Variants in CACNA1C observed in about 807,000 individuals in gnomAD.
The protein encoded by CACNA1C is calcium voltage-gated channel subunit alpha1 C, also known as voltage-dependent L-type calcium channel subunit alpha-1C.
In CACNA1C, 30 loss-of-function variants were observed where a neutral mutation model predicts 229.0. The ratio of observed to expected loss-of-function variants is 0.13; its 90% CI spans 0.10 to 0.18. The LOEUF is 0.18. Ranked by LOEUF, CACNA1C falls within the 10% of genes least tolerant of loss-of-function variation. CACNA1C has a pLI of 1.00. For synonymous variants in CACNA1C, 1,114 were observed against 1,132.5 expected, an observed-to-expected ratio of 0.98 and a Z score of 0.33; for missense variants, 1,658 against 2,845.0, an observed-to-expected ratio of 0.58 and a Z score of 9.49.
rs2089877854 is a variant in CACNA1C at position 2,630,512 on chromosome 12, T to C, written c.3829-3785T>C. Among the ~76,000 whole-genome samples the C allele has an allele frequency of 6.6e-6, 1 of 151,606 alleles. No individual in the cohort carries two copies. The highest frequency in any genetic ancestry group is 1.5e-5 in the Non-Finnish European group (1 of 67,900). On this transcript the variant is annotated intron_variant, in intron 29 of 46. Transcript: ENST00000399655. This position sits in a 1 kb window ranked among gnomAD's most constrained non-coding sequence, Gnocchi z 5.4. ...TGGGAGGAAGGGGCTGTTGAAATAG[T>C]GGGAGGAGGGGACAAAGGGGCAATG...
rs1008194346 is a variant in CACNA1C, at chr12:2,029,401, T to C, written c.139+58200T>C. Among the ~76,000 whole-genome samples, 12 of 152,186 alleles carry C rather than the reference T, an allele frequency of 7.9e-5. No individual in the cohort carries two copies. The highest frequency in any genetic ancestry group is 5.9e-4 in the Admixed American group (9 of 15,286). ...TTTTCATTAGTCCCGAAGGAAACCC[T>C]GTACCCATTAAGAAGACACTCCCTA... is the stretch of plus-strand genomic sequence containing the variant. On this transcript the variant is annotated intron_variant, in intron 1 of 46. Coordinates refer to the CACNA1C transcript ENST00000682462. The surrounding 1 kb of genome is among the most constrained non-coding windows in gnomAD (Gnocchi z 4.9).
chr12:2,343,627 G>A (rs2154522780), intron 3 of CACNA1C, among the ~76,000 whole-genome samples: 1 of 152,310 alleles, frequency 6.6e-6, no homozygotes, highest in Non-Finnish European at 1.5e-5. Context: ...GTGGCTGGGT[G>A]GGCAGTGTCT....
intron 3 of CACNA1C, among the ~76,000 whole-genome samples, chr12:2,416,618 C>T (rs2098907784): frequency 6.6e-6 from 1 of 152,196 alleles, no homozygotes; most frequent in Admixed American, 6.5e-5. Context: ...GCTCAACCAC[C>T]ACGCTCTGAG....
intron 10 of CACNA1C, among the ~76,000 whole-genome samples, chr12:2,553,568 TATC>T (rs1185109760): frequency 7.9e-5 from 12 of 152,166 alleles, no homozygotes; most frequent in African/African-American, 2.7e-4. Flanking sequence ...TGGAGACTGA[TATC>T]ATAAATGTGC....
At position 2,674,353 on chromosome 12, in the gene CACNA1C, C is replaced by T. The variant is rs2096699024; in HGVS notation, c.4727-188C>T. ...GGAAGGGGGAAGGAAGGAAGGTGGACAGAGGAAGGGGAAGAGGAAGGAGGT... is the reference window on the plus strand; with the variant it reads ...GGAAGGGGGAAGGAAGGAAGGTGGATAGAGGAAGGGGAAGAGGAAGGAGGT... On this transcript the variant is annotated intron_variant, in intron 38 of 46. Coordinates refer to ENST00000399655, the MANE Select transcript of CACNA1C (RefSeq NM_000719.7). 8 of 778,664 alleles carry T rather than the reference C, an allele frequency of 1.0e-5. No individual in the cohort carries two copies. In the South Asian group the frequency reaches 1.3e-4, roughly 12 times the overall value. 48.2% of individuals were successfully genotyped at this position (778,664 alleles called of 1,614,324 possible).
At chr12:2,043,651 T>TC in intron 1 of CACNA1C, among the ~76,000 whole-genome samples, 1 of 142,458 alleles carries the variant, frequency 7.0e-6, no homozygotes, top group East Asian at 2.0e-4. Flanking sequence ...TCTTTTTTTT[T>TC]TTTTTTTTTT....
chr12:2,209,254 G>A (rs750144101), intron 3 of CACNA1C, among the ~76,000 whole-genome samples: 5 of 152,214 alleles, frequency 3.3e-5, no homozygotes, highest in African/African-American at 4.8e-5. Context: ...CTAAAAACCT[G>A]TGTAAGCCTC....
In CACNA1C at chr12:2,232,227, G is replaced by GTTTTT. The variant is rs1169407536; in HGVS notation, c.477+111818_477+111822dup. Among the ~76,000 whole-genome samples the GTTTTT allele has an allele frequency of 8.6e-3, 630 of 73,372 alleles. 5 individuals carry two copies. The highest frequency in any genetic ancestry group is 0.022 in the East Asian group (43 of 1,926). 48.1% of individuals were successfully genotyped at this position (73,372 alleles called of 152,430 possible). A position where few individuals can be genotyped will look rare whatever the true frequency, so the allele number is the denominator to read the frequency against. ...TGGTGGTAGTTCTCAGTCTTTCCTT[G>GTTTTT]TTTTTTTTTTTTTTTTTTTTTTTTT... On this transcript the variant is annotated intron_variant, in intron 3 of 46. Coordinates refer to ENST00000399655, the MANE Select transcript of CACNA1C (RefSeq NM_000719.7).
Position 2,029,366 on chromosome 12 carries a change from A to G in CACNA1C, c.139+58165A>G, listed in dbSNP as rs375112060. ...TAACACATCCGCAATATACACCATC[A>G]CCACTAACTTTTTCATTAGTCCCGA... On this transcript the variant is annotated intron_variant, in intron 1 of 46. Transcript: ENST00000682462. This position sits in a 1 kb window ranked among gnomAD's most constrained non-coding sequence, Gnocchi z 4.9. Among the ~76,000 whole-genome samples, 9 of 152,274 alleles carry G rather than the reference A, an allele frequency of 5.9e-5. No individual in the cohort carries two copies. The highest frequency in any genetic ancestry group is 3.9e-4 in the East Asian group (2 of 5,180).
rs2153729290 is a variant in CACNA1C at position 2,669,001 on chromosome 12, C to T, written c.4692C>T (p.Ala1564=). ...TCATGTTCAATGCCACCCTGTTTGC[C>T]CTGGTCAGGACGGCCCTGAGGATCA... ...GTVMFNATLF[A]LVRTALRIKT... is the part of the protein sequence containing the mutation. Residue 1564 remains alanine (A), a synonymous_variant, in exon 38 of 47, where the codon GCC becomes GCT. Transcript: ENST00000399655. The T allele has an allele frequency of 6.2e-7, 1 of 1,614,080 alleles. No homozygotes were observed.
At chr12:1,975,058 A>C (rs2033887929) in intron 1 of CACNA1C, among the ~76,000 whole-genome samples, 1 of 152,168 alleles carries the variant, frequency 6.6e-6, no homozygotes. Flanking sequence ...ATATTTCTAC[A>C]ATTTGACATA....
At chr12:2,552,760 G>A (rs1019271795) in intron 10 of CACNA1C, among the ~76,000 whole-genome samples, 9 of 152,114 alleles carry the variant, frequency 5.9e-5, no homozygotes, top group African/African-American at 2.2e-4. Context: ...CTTGGGAGTC[G>A]GTCTCAGTGA....
chr12:2,627,176 A>T, intron 29 of CACNA1C, among the ~76,000 whole-genome samples: 1 of 152,108 alleles, frequency 6.6e-6, no homozygotes. Flanking sequence ...GTGCTTCTGA[A>T]TTAACACATC....
intron 5 of CACNA1C, among the ~76,000 whole-genome samples, chr12:2,464,415 T>C (rs1314167707): frequency 6.6e-6 from 1 of 152,202 alleles, no homozygotes; most frequent in Non-Finnish European, 1.5e-5. Flanking sequence ...CTAGAGCAGA[T>C]AGTCAAAATC....
chr12:2,082,051 T>TC (rs2065863136), intron 1 of CACNA1C, among the ~76,000 whole-genome samples: 1 of 152,132 alleles, frequency 6.6e-6, no homozygotes. Flanking sequence ...GGGGGGATAT[T>TC]CACTTCAGTG....
rs549326120 is a variant in CACNA1C, at chr12:2,407,206, G to C, written c.478-41770G>C. ...CTCTGACACCACTTCGGCAGGGAAAGGGGGGCACACCTCATTACTGCCTAG... is the reference window on the plus strand; with the variant it reads ...CTCTGACACCACTTCGGCAGGGAAACGGGGGCACACCTCATTACTGCCTAG... On this transcript the variant is annotated intron_variant, in intron 3 of 46. Transcript: ENST00000399655. Among the ~76,000 whole-genome samples the C allele has an allele frequency of 7.2e-5, 11 of 152,372 alleles. No individual in the cohort carries two copies. The South Asian group carries it at 2.3e-3, about 32-fold the overall frequency.
At chr12:2,147,655 G>T (rs1045687935) in intron 3 of CACNA1C, among the ~76,000 whole-genome samples, 9 of 151,010 alleles carry the variant, frequency 6.0e-5, no homozygotes, top group Non-Finnish European at 1.5e-5. Flanking sequence ...AAGATGTGAA[G>T]AAGTATATAT....
At chr12:2,159,131 A>C (rs1412771113) in intron 3 of CACNA1C, among the ~76,000 whole-genome samples, 1 of 152,126 alleles carries the variant, frequency 6.6e-6, no homozygotes, top group African/African-American at 2.4e-5. Context: ...CAGGTTGGGG[A>C]GGGGGGTAAG....
intron 3 of CACNA1C, among the ~76,000 whole-genome samples, chr12:2,270,094 C>T (rs946334974): frequency 6.6e-6 from 1 of 152,018 alleles, no homozygotes; most frequent in Non-Finnish European, 1.5e-5. Flanking sequence ...TTCCAGGGCA[C>T]GGGGTCAGGG....
Sources: allele counts gnomAD v4.1 joint callset (sites outside exome capture counted in the v4.1 genomes callset), GRCh38; gene constraint gnomAD v4.1.1; non-coding constraint Gnocchi (gnomAD v3.1); transcripts MANE v1.5; gene names NCBI Gene and HGNC (gene_info 2026-07-23, HGNC 2026-07-21).